The following GLIS3 variants were observed in gnomAD, a reference collection of about 807,000 sequenced individuals.
GLIS3 encodes zinc finger protein GLIS3.
Under a neutral mutation model 78.6 loss-of-function variants are expected in GLIS3, and 53 were observed. That is an observed-to-expected ratio of 0.67 (90% confidence interval 0.54 to 0.85). The LOEUF (loss-of-function observed/expected upper bound fraction) is 0.85, where lower values mean the gene tolerates loss of function less well. Among genes scored for constraint, GLIS3 ranks in the 40% least tolerant of loss-of-function variants. The pLI is 0.00. For missense variants in GLIS3, 1,703 were observed against 1,231.1 expected, an observed-to-expected ratio of 1.38 and a Z score of -5.74; for synonymous variants, 684 against 509.9, an observed-to-expected ratio of 1.34 and a Z score of -4.60.
chr9:4,047,892 T>C (rs935785767), intron 4 of GLIS3, among the ~76,000 whole-genome samples: 2 of 152,186 alleles, frequency 1.3e-5, no homozygotes, highest in East Asian at 1.9e-4. Context: ...CAGTAAACTT[T>C]TGTGAGATGA....
chr9:4,037,591 A>G (rs1329854385), intron 4 of GLIS3, among the ~76,000 whole-genome samples: 5 of 116,760 alleles, frequency 4.3e-5, no homozygotes, highest in Admixed American at 3.8e-4. Context: ...CACAGAGACA[A>G]TAAATCCTGG....
chr9:4,165,794 A>T (rs1005440794), intron 2 of GLIS3, among the ~76,000 whole-genome samples: 1 of 152,250 alleles, frequency 6.6e-6, no homozygotes, highest in African/African-American at 2.4e-5. Context: ...GGATAACAAT[A>T]AGATAGTCTT....
intron 7 of GLIS3, among the ~76,000 whole-genome samples, chr9:3,897,428 G>C (rs1299939877): frequency 6.6e-6 from 1 of 151,296 alleles, no homozygotes; most frequent in South Asian, 2.1e-4. Context: ...GCTAGTCATG[G>C]TTTTTCATAT....
intron 9 of GLIS3, among the ~76,000 whole-genome samples, chr9:3,830,240 G>A (rs1268039513): frequency 1.3e-5 from 2 of 151,766 alleles, no homozygotes; most frequent in Non-Finnish European, 2.9e-5. Context: ...TTTTCCTTGG[G>A]GTCCCATGTG....
At chr9:4,117,257 G>A (rs947843496) in intron 4 of GLIS3, among the ~76,000 whole-genome samples, 1 of 152,232 alleles carries the variant, frequency 6.6e-6, no homozygotes, top group Non-Finnish European at 1.5e-5. Flanking sequence ...AAGGTACAGA[G>A]CGCAGGCATG....
Position 3,952,704 on chromosome 9 carries a change from C to T in GLIS3, c.1711-15515G>A, listed in dbSNP as rs1816780931. Among the ~76,000 whole-genome samples, 4 of 152,126 alleles carry T rather than the reference C, an allele frequency of 2.6e-5. 1 individual carries two copies. Among genetic ancestry groups the T allele is most frequent in the Admixed American group, 2.6e-4 (4 of 15,274 alleles). ...TCAGGTAATTTTTGTATGGAAACAACACATAATATCTGAAACAAGAATATA... is the reference window on the plus strand; with the variant it reads ...TCAGGTAATTTTTGTATGGAAACAATACATAATATCTGAAACAAGAATATA... On this transcript the variant is annotated intron_variant, in intron 4 of 10. Coordinates refer to ENST00000381971, the MANE Select transcript of GLIS3 (RefSeq NM_001042413.2).
chr9:4,020,608 T>G (rs1185580144), intron 4 of GLIS3, among the ~76,000 whole-genome samples: 1 of 152,250 alleles, frequency 6.6e-6, no homozygotes, highest in African/African-American at 2.4e-5. Context: ...ACATGGATTC[T>G]GTCATCAGGC....
At chr9:4,197,068 G>A (rs191144581) in intron 2 of GLIS3, among the ~76,000 whole-genome samples, 160 of 152,034 alleles carry the variant, frequency 1.1e-3, no homozygotes, top group Middle Eastern at 3.4e-3. Flanking sequence ...AGATCTCCAA[G>A]TATTCAGAGC....
intron 4 of GLIS3, among the ~76,000 whole-genome samples, chr9:4,060,754 T>C (rs1338466386): frequency 1.3e-5 from 2 of 152,222 alleles, no homozygotes; most frequent in African/African-American, 4.8e-5. Flanking sequence ...GAAGTTCCTT[T>C]TCTTGTTAAA....
intron 2 of GLIS3, among the ~76,000 whole-genome samples, chr9:4,252,921 G>C (rs1243863770): frequency 6.6e-6 from 1 of 152,212 alleles, no homozygotes; most frequent in Non-Finnish European, 1.5e-5. Flanking sequence ...GACCCTGTTT[G>C]CCTGGGTATC....
the GLIS3 span, among the ~76,000 whole-genome samples, chr9:4,378,368 A>G: frequency 0.43 from 65,631 of 152,054 alleles, 15,303 homozygotes; most frequent in Admixed American, 0.55. Context: ...TTTCAGATAC[A>G]CTGAAAACAT....
intron 2 of GLIS3, among the ~76,000 whole-genome samples, chr9:4,203,686 A>G (rs916015307): frequency 2.0e-5 from 3 of 152,224 alleles, no homozygotes; most frequent in South Asian, 2.1e-4. Context: ...TCACAATAGC[A>G]AAGACATGGA....
At chr9:4,471,391 C>G in the GLIS3 span, among the ~76,000 whole-genome samples, 1 of 152,138 alleles carries the variant, frequency 6.6e-6, no homozygotes, top group Non-Finnish European at 1.5e-5. Flanking sequence ...CAGCATGGTA[C>G]TGGTACCAAA....
chr9:4,247,243 T>A (rs985648213), intron 2 of GLIS3, among the ~76,000 whole-genome samples: 3 of 152,214 alleles, frequency 2.0e-5, no homozygotes, highest in Non-Finnish European at 2.9e-5. Context: ...AACAGACTCA[T>A]CAAGCAGTTG....
the GLIS3 span, among the ~76,000 whole-genome samples, chr9:4,431,041 G>C: frequency 6.6e-6 from 1 of 152,140 alleles, no homozygotes; most frequent in Non-Finnish European, 1.5e-5. Context: ...TTCCTCAGTT[G>C]AATCCCAACC....
At position 3,836,360 on chromosome 9, in the gene GLIS3, T is replaced by G. The variant is rs184567556; in HGVS notation, c.2474-6868A>C. Among the ~76,000 whole-genome samples, 915 of 152,366 alleles carry G rather than the reference T, an allele frequency of 6.0e-3. 7 individuals are homozygous for G. The highest frequency in any genetic ancestry group is 0.017 in the Middle Eastern group (5 of 294). On this transcript the variant is annotated intron_variant, in intron 9 of 10. Coordinates refer to ENST00000381971, the MANE Select transcript of GLIS3 (RefSeq NM_001042413.2). ...TTTTTCCGCAGAGACTATAATTTTG[T>G]GGGTTACTACTTTAGGAAGTGTAGC...
At chr9:4,200,486 T>A (rs1000560561) in intron 2 of GLIS3, among the ~76,000 whole-genome samples, 23 of 151,558 alleles carry the variant, frequency 1.5e-4, no homozygotes, top group African/African-American at 5.6e-4. Flanking sequence ...TTACAACCAA[T>A]CCCAAAGAAA....
intron 2 of GLIS3, among the ~76,000 whole-genome samples, chr9:4,156,144 C>T (rs775382258): frequency 6.6e-6 from 1 of 152,138 alleles, no homozygotes; most frequent in African/African-American, 2.4e-5. Context: ...ATTGACAACT[C>T]TTATACCCTT....
intron 6 of GLIS3, among the ~76,000 whole-genome samples, chr9:3,913,544 C>A (rs531487231): frequency 6.6e-6 from 1 of 152,316 alleles, no homozygotes; most frequent in East Asian, 1.9e-4. Flanking sequence ...TGCTGTACTT[C>A]TGGCCACAAA....
Sources: gnomAD v4.1 joint callset for allele counts (sites outside exome capture counted in the v4.1 genomes callset) on GRCh38, gnomAD v4.1.1 for gene constraint, MANE v1.5 for transcripts, NCBI Gene and HGNC (gene_info 2026-07-23, HGNC 2026-07-21) for gene names.